CD69: variants seen among roughly 807,000 people sequenced by gnomAD.
CD69 encodes early activation antigen CD69.
In CD69, 10 loss-of-function variants were observed where a neutral mutation model predicts 21.4. The ratio of observed to expected loss-of-function variants is 0.47; its 90% CI spans 0.29 to 0.79. CD69 has a LOEUF of 0.79. CD69 is among the 30% of genes least tolerant of loss of function. The pLI is 0.09. For synonymous variants in CD69, 63 were observed against 78.2 expected (o/e 0.81, Z 1.03); for missense variants, 204 against 236.9 (o/e 0.86, Z 0.91).
At chr12:9,754,350 G>A in intron 4 of CD69, 2 of 302,434 alleles carry the variant, frequency 6.6e-6, no homozygotes, top group Non-Finnish European at 1.2e-5. Flanking sequence ...TCACATTAGA[G>A]TTTGCTGAGA....
chr12:9,753,700 G>A, intron 4 of CD69, 111 bp from the exon 5 acceptor site: 1 of 505,366 alleles, frequency 2.0e-6, no homozygotes, highest in Non-Finnish European at 3.6e-6. Flanking sequence ...TTCTTAGTGG[G>A]ATACACAAGT....
At chr12:9,754,714 T>C (rs1029242014) in intron 3 of CD69, 24 bp from the exon 4 acceptor site, 2 of 1,426,658 alleles carry the variant, frequency 1.4e-6, no homozygotes, top group East Asian at 2.3e-5. Flanking sequence ...CAAAGGAGTT[T>C]GTTACATTAA....
intron 1 of CD69, among the ~76,000 whole-genome samples, chr12:9,760,134 C>T (rs3176789): frequency 0.25 from 37,449 of 151,572 alleles, 5,317 homozygotes; most frequent in East Asian, 0.5. Flanking sequence ...TTTTTTTTAG[C>T]AAATTACAAA....
intron 2 of CD69, chr12:9,755,834 CT>C (rs1208549592): frequency 6.5e-6 from 1 of 153,784 alleles, no homozygotes; most frequent in Non-Finnish European, 1.4e-5. Context: ...TCTCTGGGAA[CT>C]TTTAAATATA....
intron 1 of CD69, among the ~76,000 whole-genome samples, chr12:9,758,244 G>A (rs2121102520): frequency 6.6e-6 from 1 of 152,278 alleles, no homozygotes; most frequent in East Asian, 1.9e-4. Context: ...TTTGCAGGAT[G>A]AGCTGTCAGG....
chr12:9,759,549 G>T (rs903212014), intron 1 of CD69, among the ~76,000 whole-genome samples: 1 of 150,700 alleles, frequency 6.6e-6, no homozygotes, highest in East Asian at 1.9e-4. Context: ...GTAATGGCTC[G>T]CCTGATTACC....
intron 1 of CD69, among the ~76,000 whole-genome samples, chr12:9,758,155 G>A (rs1362608125): frequency 6.6e-6 from 1 of 151,780 alleles, no homozygotes; most frequent in East Asian, 1.9e-4. Flanking sequence ...AACTCTAAGA[G>A]GATGTCTGTT....
At chr12:9,756,112 A>G (rs1002731744) in intron 2 of CD69, 185 bp downstream of exon 2, 3 of 395,290 alleles carry the variant, frequency 7.6e-6, no homozygotes, top group East Asian at 7.6e-5. Context: ...AAAGTATTAC[A>G]TTAATTATTC....
intron 1 of CD69, among the ~76,000 whole-genome samples, chr12:9,759,624 A>G (rs1225866238): frequency 6.6e-6 from 1 of 152,038 alleles, no homozygotes; most frequent in Non-Finnish European, 1.5e-5. Flanking sequence ...CACAGGATGG[A>G]TTTATGAGAA....
chr12:9,757,567 C>T (rs960367008), intron 1 of CD69, among the ~76,000 whole-genome samples: 4 of 151,878 alleles, frequency 2.6e-5, no homozygotes, highest in African/African-American at 7.3e-5. Context: ...AAGGGAATTC[C>T]GCTCAGCAAT....
Position 9,756,419 on chromosome 12 carries a change from T to C in CD69, c.65A>G (p.Asn22Ser). The change falls in exon 2 of 5, where the codon AAT becomes AGT. Residue 22 changes from asparagine to serine, a missense_variant and splice_region_variant. Physicochemically the swap from Asn to Ser is conservative, Grantham distance 46. Transcript: ENST00000228434. ...TGAGAAATGGGGACTGGTGGCATCA[T>C]CTGGAAGGGAGAAAGTTGATGATGA... ...SSLHPESGQE[N>S]DATSPHFSTR... 1 of 1,613,106 alleles carries C rather than the reference T, an allele frequency of 6.2e-7. No homozygotes were observed. The highest frequency in any genetic ancestry group is 8.5e-7 in the Non-Finnish European group (1 of 1,179,406).
At chr12:9,755,342 T>C in intron 2 of CD69, 81 bp from the exon 3 acceptor site, 4 of 1,145,182 alleles carry the variant, frequency 3.5e-6, no homozygotes, top group African/African-American at 1.5e-5. Flanking sequence ...TAGGATGCTA[T>C]GTTGTGCTAG....
intron 1 of CD69, among the ~76,000 whole-genome samples, chr12:9,757,788 A>C (rs1866691414): frequency 6.6e-6 from 1 of 152,250 alleles, no homozygotes; most frequent in South Asian, 2.1e-4. Context: ...AATGGGACAC[A>C]GGGCAAACTG....
At chr12:9,758,952 C>T (rs1013754901) in intron 1 of CD69, among the ~76,000 whole-genome samples, 19 of 152,022 alleles carry the variant, frequency 1.2e-4, no homozygotes, top group East Asian at 5.8e-4. Flanking sequence ...TTTTTTGAGA[C>T]GGAGTCTCGC....
rs756296461 is a variant in CD69, at chr12:9,756,351, C to T, written c.133G>A (p.Val45Ile). Reference protein sequence around the residue: ...GSFQVPVLCAVMNVVFITILI... With the variant: ...GSFQVPVLCAIMNVVFITILI... ...ATGGTGATGAAGACCACATTCATTA[C>T]AGCACACAGGACAGGAACTTGGAAG... The change falls in exon 2 of 5, where the codon GTA (valine) becomes ATA (isoleucine). Residue 45 changes from valine to isoleucine, a missense_variant. Transcript: ENST00000228434. 5.0e-6 allele frequency: 8 copies of T among 1,613,502 alleles called. No individual in the cohort carries two copies. The highest frequency in any genetic ancestry group is 2.2e-5 in the East Asian group (1 of 44,842).
intron 1 of CD69, 26 bp from the exon 2 acceptor site, chr12:9,756,445 G>C (rs140163244): frequency 6.2e-7 from 1 of 1,601,460 alleles, no homozygotes. Flanking sequence ...TTGATGATGA[G>C]TTCAGGCAGA....
intron 1 of CD69, among the ~76,000 whole-genome samples, chr12:9,760,512 TTCTA>T (rs1307917139): frequency 5.9e-5 from 9 of 152,312 alleles, no homozygotes; most frequent in African/African-American, 1.9e-4. Flanking sequence ...ATCTCAGGTA[TTCTA>T]TCTTCTTATA....
In CD69 at chr12:9,753,325, T is replaced by A. The variant is rs775110317; in HGVS notation, c.*156A>T. The A allele has an allele frequency of 2.4e-6, 1 of 410,286 alleles. No individual in the cohort carries two copies. The highest frequency in any genetic ancestry group is 2.1e-5 in the African/African-American group (1 of 48,226). 25.4% of individuals were successfully genotyped at this position (410,286 alleles called of 1,614,324 possible). ...ATTTTCCTGGAATTTCTTCCTTTTT[T>A]TCCATAGTTCTGTTTGGAAGAAAAT... On this transcript the variant is annotated 3_prime_UTR_variant, in exon 5 of 5. Transcript: ENST00000228434.
At position 9,756,280 on chromosome 12, in the gene CD69, A is replaced by G; in HGVS notation, c.187+17T>C. On this transcript the variant is annotated intron_variant, in intron 2 of 4. Coordinates refer to ENST00000228434, the MANE Select transcript of CD69 (RefSeq NM_001781.2). The stretch of plus-strand genomic sequence containing the variant: ...CAGCTAGGAGGCTTTGAAAGAATTG[A>G]TGAAGTGTAGACCCACCTGATAAGG... 6.2e-7 allele frequency: 1 copy of G among 1,600,180 alleles called. No homozygotes were observed. Among genetic ancestry groups the G allele is most frequent in the Non-Finnish European group, 8.5e-7 (1 of 1,172,690 alleles).
Sources: allele counts gnomAD v4.1 joint callset (sites outside exome capture counted in the v4.1 genomes callset), GRCh38; gene constraint gnomAD v4.1.1; transcripts MANE v1.5; gene names NCBI Gene and HGNC (gene_info 2026-07-23, HGNC 2026-07-21).